SND1: variants seen among roughly 807,000 people sequenced by gnomAD.
SND1 encodes the protein staphylococcal nuclease domain-containing protein 1.
In SND1, 38 loss-of-function variants were observed where a neutral mutation model predicts 121.7. The observed-to-expected ratio is 0.31, with a 90% confidence interval of 0.24 to 0.41. SND1 has a LOEUF of 0.41. Among genes scored for constraint, SND1 ranks in the 10% least tolerant of loss-of-function variants. The pLI is 1.00. For synonymous variants in SND1, 401 were observed against 447.4 expected, an observed-to-expected ratio of 0.90 and a Z score of 1.31; for missense variants, 868 against 1,184.6, an observed-to-expected ratio of 0.73 and a Z score of 3.92.
intron 14 of SND1, among the ~76,000 whole-genome samples, chr7:127,915,463 A>G (rs568747006): frequency 6.6e-6 from 1 of 152,272 alleles, no homozygotes; most frequent in African/African-American, 2.4e-5. Context: ...GACATTTAAC[A>G]TATGCCATCT....
At chr7:127,747,344 A>T (rs1394388280) in intron 10 of SND1, among the ~76,000 whole-genome samples, 1 of 151,996 alleles carries the variant, frequency 6.6e-6, no homozygotes, top group Non-Finnish European at 1.5e-5. Flanking sequence ...TTGCCTATGC[A>T]ATTCCTGCCC....
Position 128,070,569 on chromosome 7 carries a change from T to C in SND1, c.1780-3933T>C, listed in dbSNP as rs1034991826. Among the ~76,000 whole-genome samples, 6 of 152,220 alleles carry C rather than the reference T, an allele frequency of 3.9e-5. No individual in the cohort carries two copies. The South Asian group carries it at 8.3e-4, about 21-fold the overall frequency. The stretch of plus-strand genomic sequence containing the variant: ...GCCCAAGAGATGAGTGGCTATGTTA[T>C]AGCAGTTTGCAAATTACACAACACT... On this transcript the variant is annotated intron_variant, in intron 16 of 23. Transcript: ENST00000354725.
intron 16 of SND1, among the ~76,000 whole-genome samples, chr7:128,037,817 T>C (rs956977949): frequency 3.9e-5 from 6 of 152,240 alleles, no homozygotes; most frequent in African/African-American, 1.4e-4. Flanking sequence ...AAAATCTGTC[T>C]CTTATTTTCT....
intron 15 of SND1, among the ~76,000 whole-genome samples, chr7:127,978,612 T>G (rs759952432): frequency 4.2e-4 from 64 of 152,236 alleles, no homozygotes; most frequent in African/African-American, 1.4e-3. Flanking sequence ...GTGGTTAATG[T>G]CAGCTGCCTC....
At chr7:127,767,664 C>A (rs998217015) in intron 10 of SND1, among the ~76,000 whole-genome samples, 1 of 152,170 alleles carries the variant, frequency 6.6e-6, no homozygotes, top group Non-Finnish European at 1.5e-5. Flanking sequence ...TCTATTAATT[C>A]TCTTCATTGA....
intron 12 of SND1, among the ~76,000 whole-genome samples, chr7:127,876,440 A>G (rs1030949648): frequency 6.6e-6 from 1 of 152,152 alleles, no homozygotes; most frequent in Admixed American, 6.6e-5. Flanking sequence ...TTGAGTTCAG[A>G]GATTTTTATA....
At chr7:127,932,836 T>G (rs912712728) in intron 15 of SND1, among the ~76,000 whole-genome samples, 1 of 152,144 alleles carries the variant, frequency 6.6e-6, no homozygotes, top group South Asian at 2.1e-4. Context: ...TAAACTACAG[T>G]ATAGGGTGAA....
intron 16 of SND1, among the ~76,000 whole-genome samples, chr7:128,056,298 T>C (rs1025266093): frequency 2.0e-5 from 3 of 152,220 alleles, no homozygotes; most frequent in African/African-American, 7.2e-5. Context: ...ACAGAACCTG[T>C]GTTCAGGGGC....
intron 16 of SND1, among the ~76,000 whole-genome samples, chr7:127,991,664 G>T (rs1318042196): frequency 6.6e-6 from 1 of 152,126 alleles, no homozygotes. Flanking sequence ...CAGCAGGGAG[G>T]TGTGCTTGGC....
chr7:128,061,253 A>G (rs754912301), intron 16 of SND1, among the ~76,000 whole-genome samples: 1 of 152,220 alleles, frequency 6.6e-6, no homozygotes, highest in Non-Finnish European at 1.5e-5. Context: ...AGTCACATCA[A>G]CACCCATGCT....
intron 1 of SND1, among the ~76,000 whole-genome samples, chr7:127,653,165 C>G (rs1351595642): frequency 6.6e-6 from 1 of 152,198 alleles, no homozygotes; most frequent in Non-Finnish European, 1.5e-5. Context: ...GTCTAGTGCT[C>G]ATAGCACTAT....
intron 10 of SND1, among the ~76,000 whole-genome samples, chr7:127,729,462 T>A (rs891790380): frequency 5.6e-5 from 6 of 106,902 alleles, no homozygotes; most frequent in Admixed American, 2.0e-4. Context: ...TTTTTTTTTT[T>A]ACATAACATT....
At position 127,973,625 on chromosome 7, in the gene SND1, C is replaced by G. The variant is rs904923432; in HGVS notation, c.1670-17322C>G. On this transcript the variant is annotated intron_variant, in intron 15 of 23. Transcript: ENST00000354725. ...TCTCTAACATCTCTCCTCTTCCCAG[C>G]CACACCCATTCACTGCTCCTGTTCA... Among the ~76,000 whole-genome samples, 9 of 152,324 alleles carry G rather than the reference C, an allele frequency of 5.9e-5. No homozygotes were observed. The East Asian group carries it at 1.7e-3, about 29-fold the overall frequency.
At chr7:127,755,314 G>A (rs543996132) in intron 10 of SND1, among the ~76,000 whole-genome samples, 2 of 152,298 alleles carry the variant, frequency 1.3e-5, no homozygotes, top group Admixed American at 6.5e-5. Flanking sequence ...GTAGTGTGAG[G>A]CATCTGATTA....
At chr7:128,081,267 A>T in intron 17 of SND1, 93 bp from the exon 18 acceptor site, 1 of 1,518,652 alleles carries the variant, frequency 6.6e-7, no homozygotes, top group South Asian at 1.2e-5. Context: ...AAGTGCTGGG[A>T]TTACAGGCAT....
At chr7:127,705,614 G>A (rs1160627410) in intron 8 of SND1, among the ~76,000 whole-genome samples, 1 of 151,436 alleles carries the variant, frequency 6.6e-6, no homozygotes, top group African/African-American at 2.4e-5. Flanking sequence ...TGTAGATGTA[G>A]ATGTAGATGT....
intron 12 of SND1, among the ~76,000 whole-genome samples, chr7:127,866,571 C>T (rs1799482119): frequency 6.6e-6 from 1 of 152,154 alleles, no homozygotes; most frequent in African/African-American, 2.4e-5. Context: ...TGCCATCCCT[C>T]CACTCCATGC....
intron 2 of SND1, among the ~76,000 whole-genome samples, chr7:127,690,760 G>A (rs566996042): frequency 3.9e-5 from 6 of 152,292 alleles, no homozygotes; most frequent in East Asian, 1.9e-4. Flanking sequence ...GTGGCACTAC[G>A]CTTTCTCTCT....
chr7:127,967,705 C>G (rs1801887357), intron 15 of SND1, among the ~76,000 whole-genome samples: 1 of 152,152 alleles, frequency 6.6e-6, no homozygotes, highest in East Asian at 1.9e-4. Context: ...CTCGATATAC[C>G]CTGCTTTTAC....
Sources: gnomAD v4.1 joint callset for allele counts (sites outside exome capture counted in the v4.1 genomes callset) on GRCh38, gnomAD v4.1.1 for gene constraint, MANE v1.5 for transcripts, NCBI Gene and HGNC (gene_info 2026-07-23, HGNC 2026-07-21) for gene names.